The following RAD51B variants were observed in gnomAD, a reference collection of about 807,000 sequenced individuals.
The protein encoded by RAD51B is DNA repair protein RAD51 homolog 2.
In RAD51B, 38 loss-of-function variants were observed where a neutral mutation model predicts 42.2. The ratio of observed to expected loss-of-function variants is 0.90; its 90% CI spans 0.70 to 1.18. The LOEUF (loss-of-function observed/expected upper bound fraction) is 1.18, where lower values mean the gene tolerates loss of function less well. Among genes scored for constraint, RAD51B ranks in the 50% most tolerant of loss-of-function variants. RAD51B has a pLI of 0.00. For synonymous variants in RAD51B, 154 were observed against 145.2 expected, an observed-to-expected ratio of 1.06 and a Z score of -0.43; for missense variants, 373 against 400.7, an observed-to-expected ratio of 0.93 and a Z score of 0.59.
chr14:68,663,095 G>C (rs1892966127), intron 11 of RAD51B, among the ~76,000 whole-genome samples: 1 of 152,230 alleles, frequency 6.6e-6, no homozygotes, highest in Non-Finnish European at 1.5e-5. Flanking sequence ...GAGGTCCGGA[G>C]TTTGAGACCA....
intron 9 of RAD51B, among the ~76,000 whole-genome samples, chr14:68,458,368 G>A (rs2085757113): frequency 6.6e-6 from 1 of 152,004 alleles, no homozygotes; most frequent in Admixed American, 6.5e-5. Context: ...AAATGTTGAG[G>A]AAAAAACCGT....
chr14:68,515,602 C>T (rs1387585886), intron 10 of RAD51B, among the ~76,000 whole-genome samples: 1 of 150,734 alleles, frequency 6.6e-6, no homozygotes, highest in Non-Finnish European at 1.5e-5. Context: ...GTGTGCACCA[C>T]CATTCCTGGC....
At chr14:68,101,984 C>T (rs2077298179) in intron 7 of RAD51B, among the ~76,000 whole-genome samples, 1 of 152,218 alleles carries the variant, frequency 6.6e-6, no homozygotes, top group South Asian at 2.1e-4. Flanking sequence ...TTCTTGTCTT[C>T]TGTGCATCCA....
chr14:68,361,925 C>T (rs2083033932), intron 8 of RAD51B, among the ~76,000 whole-genome samples: 2 of 152,310 alleles, frequency 1.3e-5, no homozygotes, highest in African/African-American at 4.8e-5. Flanking sequence ...ATCCTCCCAC[C>T]TCAGCCTCCC....
chr14:67,926,556 TCC>T (rs2044513038), intron 7 of RAD51B, among the ~76,000 whole-genome samples: 1 of 142,750 alleles, frequency 7.0e-6, no homozygotes, highest in African/African-American at 2.7e-5. Flanking sequence ...GGGATATGTT[TCC>T]TTTTTTTTTT....
intron 7 of RAD51B, among the ~76,000 whole-genome samples, chr14:67,939,673 G>C (rs991738275): frequency 3.3e-5 from 5 of 152,032 alleles, no homozygotes; most frequent in Non-Finnish European, 7.4e-5. Context: ...AGTTCTGAAG[G>C]CTGGAAGTCT....
At chr14:68,610,841 ATATGTG>A (rs963915458) in intron 10 of RAD51B, among the ~76,000 whole-genome samples, 7 of 71,142 alleles carry the variant, frequency 9.8e-5, no homozygotes, top group African/African-American at 3.2e-4. Flanking sequence ...ATCTGAATGT[ATATGTG>A]TGTGTGTGTG....
chr14:68,602,770 A>T (rs921284838), intron 10 of RAD51B, among the ~76,000 whole-genome samples: 3 of 152,152 alleles, frequency 2.0e-5, no homozygotes, highest in African/African-American at 7.2e-5. Context: ...CTTCACAGCA[A>T]CACCTAGCCT....
intron 5 of RAD51B, among the ~76,000 whole-genome samples, chr14:67,884,520 C>T (rs952070090): frequency 4.6e-5 from 7 of 152,170 alleles, no homozygotes; most frequent in African/African-American, 7.2e-5. Context: ...GCACTAAACT[C>T]AGCAAATAGT....
intron 10 of RAD51B, among the ~76,000 whole-genome samples, chr14:68,629,700 C>T (rs1892180665): frequency 6.6e-6 from 1 of 152,184 alleles, no homozygotes; most frequent in African/African-American, 2.4e-5. Flanking sequence ...AGTCCTCCTT[C>T]TGTGGTAGTT....
chr14:68,064,038 A>G (rs1370438663), intron 7 of RAD51B, among the ~76,000 whole-genome samples: 2 of 151,934 alleles, frequency 1.3e-5, no homozygotes, highest in East Asian at 3.9e-4. Flanking sequence ...GTGTATCTGC[A>G]CTGTCAGTGT....
At chr14:68,398,694 G>C (rs578220602) in intron 8 of RAD51B, among the ~76,000 whole-genome samples, 4 of 152,122 alleles carry the variant, frequency 2.6e-5, no homozygotes, top group African/African-American at 9.7e-5. Flanking sequence ...GAAGCAGGGT[G>C]GGGGATTAAG....
intron 10 of RAD51B, among the ~76,000 whole-genome samples, chr14:68,526,880 G>A (rs984704802): frequency 2.6e-5 from 4 of 152,206 alleles, no homozygotes; most frequent in Admixed American, 2.6e-4. Flanking sequence ...CCTGGCACAC[G>A]GGACACTGCT....
intron 9 of RAD51B, among the ~76,000 whole-genome samples, chr14:68,413,671 C>T (rs181386883): frequency 3.0e-4 from 45 of 152,256 alleles, no homozygotes; most frequent in Non-Finnish European, 5.1e-4. Context: ...CTTGCCTTAG[C>T]AGAGGGTGTG....
At chr14:68,331,457 A>G (rs1029253385) in intron 8 of RAD51B, among the ~76,000 whole-genome samples, 4 of 151,620 alleles carry the variant, frequency 2.6e-5, no homozygotes, top group African/African-American at 9.7e-5. Flanking sequence ...AAAAAAAAAA[A>G]AGTCCATATG....
At chr14:67,941,632 G>A (rs965749174) in intron 7 of RAD51B, among the ~76,000 whole-genome samples, 1 of 152,308 alleles carries the variant, frequency 6.6e-6, no homozygotes, top group South Asian at 2.1e-4. Flanking sequence ...CGGGCTCTGT[G>A]TCAGGACTGG....
chr14:68,597,871 G>C (rs1486316469), downstream of RAD51B, among the ~76,000 whole-genome samples: 2 of 150,770 alleles, frequency 1.3e-5, no homozygotes, highest in Admixed American at 1.3e-4. Context: ...ATCCTTGCCA[G>C]GTCACAAGAA....
At chr14:68,306,239 TG>T (rs376555873) in intron 8 of RAD51B, among the ~76,000 whole-genome samples, 1 of 152,236 alleles carries the variant, frequency 6.6e-6, no homozygotes, top group African/African-American at 2.4e-5. Flanking sequence ...CTCTCCATTT[TG>T]GGTTGGCTTA....
intron 5 of RAD51B, among the ~76,000 whole-genome samples, chr14:67,885,556 A>G (rs1442633616): frequency 6.6e-6 from 1 of 152,244 alleles, no homozygotes; most frequent in African/African-American, 2.4e-5. Context: ...AACATATCTT[A>G]TAGCTGCTAC....
Sources: gnomAD v4.1 joint callset for allele counts (sites outside exome capture counted in the v4.1 genomes callset) on GRCh38, gnomAD v4.1.1 for gene constraint, MANE v1.5 for transcripts, NCBI Gene and HGNC (gene_info 2026-07-23, HGNC 2026-07-21) for gene names.